The following POGZ variants were observed in gnomAD, a reference collection of about 807,000 sequenced individuals.
POGZ encodes the protein pogo transposable element with ZNF domain.
In POGZ, 17 loss-of-function variants were observed where a neutral mutation model predicts 134.6. That is an observed-to-expected ratio of 0.13 (90% CI 0.09 to 0.19). The LOEUF is 0.19. POGZ is among the 10% of genes least tolerant of loss of function. The pLI, the probability that POGZ is intolerant of heterozygous loss-of-function variation, is 1.00. For synonymous variants in POGZ, 693 were observed against 657.1 expected (o/e 1.05, Z -0.84); for missense variants, 1,306 against 1,769.7 (o/e 0.74, Z 4.70).
At chr1:151,437,231 A>G (rs1659744797) in intron 3 of POGZ, among the ~76,000 whole-genome samples, 1 of 151,024 alleles carries the variant, frequency 6.6e-6, no homozygotes, top group Non-Finnish European at 1.5e-5. Flanking sequence ...AATACATGCC[A>G]CAAACACCTT....
chr1:151,446,755 CAAAAAAAA>C (rs11309351), intron 1 of POGZ, among the ~76,000 whole-genome samples: 10 of 70,716 alleles, frequency 1.4e-4, no homozygotes, highest in South Asian at 5.6e-4. Flanking sequence ...GACTCCATCT[CAAAAAAAA>C]AAAAAAAAAA....
intron 1 of POGZ, chr1:151,455,007 T>C (rs1290239027): frequency 6.6e-6 from 1 of 151,346 alleles, no homozygotes; most frequent in Non-Finnish European, 1.5e-5. Flanking sequence ...CTGAGGAAGC[T>C]GAAGGAGGAG....
intron 11 of POGZ, 103 bp from the exon 12 acceptor site, chr1:151,411,874 G>T (rs1040915260): frequency 3.2e-6 from 3 of 944,822 alleles, no homozygotes; most frequent in Non-Finnish European, 3.0e-6. Context: ...AAAAAAAAAA[G>T]TTTTCTCAAA....
At chr1:151,432,282 T>A (rs1229651797) in intron 3 of POGZ, among the ~76,000 whole-genome samples, 1 of 152,146 alleles carries the variant, frequency 6.6e-6, no homozygotes, top group African/African-American at 2.4e-5. Context: ...CTCTGAAATG[T>A]ATGTTCCACT....
chr1:151,459,470 A>G lies in POGZ; in HGVS notation c.-320T>C, dbSNP rs1663254384. On this transcript the variant is annotated 5_prime_UTR_variant, in exon 1 of 19. Coordinates refer to ENST00000271715, the MANE Select transcript of POGZ (RefSeq NM_015100.4). ...AGAGAGACGCCGACTCCCCCCACCG[A>G]CCCTCTCGCCCCGCGGAGGGATACG... 1 of 151,412 alleles carries G rather than the reference A, an allele frequency of 6.6e-6. No individual in the cohort carries two copies. Among genetic ancestry groups the G allele is most frequent in the African/African-American group, 2.4e-5 (1 of 41,094 alleles). The allele number at this position is 151,412 out of a possible 1,614,324, so 9.4% of individuals were successfully genotyped here.
rs915584616 is a variant in POGZ, at chr1:151,411,736, T to C, written c.1815A>G (p.Val605=). The change falls in exon 12 of 19, where the codon GTA becomes GTG. Residue 605 remains valine, a synonymous_variant. Transcript: ENST00000271715. Reference sequence around the variant, plus strand: ...CATGGATCATCCGAAAATGGACATCTACCTCAGAGTAGAGTGAGGAGCGAT... The same window carrying C: ...CATGGATCATCCGAAAATGGACATCCACCTCAGAGTAGAGTGAGGAGCGAT... The part of the protein sequence containing the change: ...CQYRSSLYSE[V]DVHFRMIHED... 7 of 1,612,934 alleles carry C rather than the reference T, an allele frequency of 4.3e-6. No individual in the cohort carries two copies. Among genetic ancestry groups the C allele is most frequent in the Non-Finnish European group, 5.9e-6 (7 of 1,179,190 alleles).
chr1:151,408,567 A>C lies in POGZ; in HGVS notation c.2076T>G (p.Ala692=). 1 of 1,610,588 alleles carries C rather than the reference A, an allele frequency of 6.2e-7. No individual in the cohort carries two copies. Among genetic ancestry groups the C allele is most frequent in the Non-Finnish European group, 8.5e-7 (1 of 1,179,136 alleles). Residue 692 remains alanine, a synonymous_variant, in exon 14 of 19, where the codon GCT becomes GCG. Coordinates refer to ENST00000271715, the MANE Select transcript of POGZ (RefSeq NM_015100.4). ...LKPGTKVTIR[A]SRGQPRTVPV... ...GAACAGTTCGTGGCTGCCCTCGGGA[A>C]GCCCGGATTGTCACCTGAGAACCAA...
intron 10 of POGZ, among the ~76,000 whole-genome samples, chr1:151,423,093 G>A (rs938783791): frequency 2.6e-5 from 4 of 152,152 alleles, no homozygotes; most frequent in Admixed American, 6.6e-5. Flanking sequence ...ATAGATGACT[G>A]TTCCTTCTAT....
Position 151,406,050 on chromosome 1 carries a change from G to C in POGZ, c.2985C>G (p.His995Gln), listed in dbSNP as rs776942265. Residue 995 changes from histidine (H) to glutamine (Q), a missense_variant, in exon 19 of 19, where the codon CAC (histidine) becomes CAG (glutamine). Around this residue, in one of 10 missense-constraint regions of POGZ, gnomAD observed 214 missense variants for 255.5 expected, o/e 0.84. Transcript: ENST00000271715. Reference sequence around the variant, plus strand: ...GAATACGTCGCTGGGGATTTCGGAAGTGTTCAGCTGCCTGTTCTGTATTGC... The same window carrying C: ...GAATACGTCGCTGGGGATTTCGGAACTGTTCAGCTGCCTGTTCTGTATTGC... The part of the protein sequence containing the change: ...LCCNTEQAAE[H>Q]FRNPQRRIRR... The C allele has an allele frequency of 6.2e-7, 1 of 1,614,206 alleles. No individual in the cohort carries two copies. Among genetic ancestry groups the C allele is most frequent in the African/African-American group, 1.3e-5 (1 of 75,042 alleles).
chr1:151,424,198 G>T lies in POGZ; in HGVS notation c.1274C>A (p.Ser425Tyr). ...PSVPSAAKPP[S>Y]PEKTAPVAST... ...AGCAACAGGAGCTGTTTTCTCAGGG[G>T]ATGGGGGCTTTGCTGCTGATGGGAC... is the stretch of plus-strand genomic sequence containing the variant. The change falls in exon 9 of 19, where the codon TCC becomes TAC. Residue 425 changes from serine (S) to tyrosine (Y), a missense_variant. Transcript: ENST00000271715. 1 of 1,614,024 alleles carries T rather than the reference G, an allele frequency of 6.2e-7. No homozygotes were observed. The highest frequency in any genetic ancestry group is 8.5e-7 in the Non-Finnish European group (1 of 1,179,886).
intron 18 of POGZ, 57 bp downstream of exon 18, chr1:151,406,550 T>C (rs1307543982): frequency 1.7e-5 from 27 of 1,548,854 alleles, no homozygotes; most frequent in African/African-American, 8.4e-5. Flanking sequence ...ATAATAATAA[T>C]AACAGAGTAA....
intron 10 of POGZ, among the ~76,000 whole-genome samples, 153 bp from the exon 11 acceptor site, chr1:151,412,549 TTAACATA>T (rs1356904219): frequency 6.6e-6 from 1 of 152,236 alleles, no homozygotes; most frequent in African/African-American, 2.4e-5. Context: ...TGGCTCCACC[TTAACATA>T]TATGTTGCTG....
chr1:151,411,588 A>C (rs753260648), intron 12 of POGZ, 37 bp downstream of exon 12: 41 of 1,506,030 alleles, frequency 2.7e-5, no homozygotes, highest in Non-Finnish European at 3.6e-5. Flanking sequence ...AAAAAAAAAA[A>C]AACAAGAGAA....
rs1183103743 is a variant in POGZ, at chr1:151,405,723, G to A, written c.3312C>T (p.Phe1104=). The A allele has an allele frequency of 1.2e-6, 2 of 1,614,200 alleles. No individual in the cohort carries two copies. The highest frequency in any genetic ancestry group is 2.2e-5 in the South Asian group (2 of 91,080). ...GAATCTGCCGTTGTACAAAATCAAT[G>A]AAGAGTCCTGCATTCTCTGCTACAT... ...PKDVAENAGL[F]IDFVQRQIHN... The change falls in exon 19 of 19, where the codon TTC becomes TTT. Residue 1104 remains phenylalanine (F), a synonymous_variant. Coordinates refer to ENST00000271715, the MANE Select transcript of POGZ (RefSeq NM_015100.4). This position sits in a 1 kb window ranked among gnomAD's most constrained non-coding sequence, Gnocchi z 4.9.
At chr1:151,458,114 T>A (rs866460485) in intron 1 of POGZ, among the ~76,000 whole-genome samples, 2 of 152,024 alleles carry the variant, frequency 1.3e-5, no homozygotes, top group African/African-American at 4.8e-5. Context: ...TAAGGACTCA[T>A]CAGCACTACC....
At chr1:151,419,103 C>G (rs1656363236) in intron 10 of POGZ, among the ~76,000 whole-genome samples, 1 of 151,170 alleles carries the variant, frequency 6.6e-6, no homozygotes, top group Non-Finnish European at 1.5e-5. Context: ...CCTATAATCC[C>G]AGCACTTTGG....
At chr1:151,419,039 A>G (rs1251201890) in intron 10 of POGZ, among the ~76,000 whole-genome samples, 85 of 149,328 alleles carry the variant, frequency 5.7e-4, no homozygotes, top group Non-Finnish European at 3.0e-4. Flanking sequence ...AAAAAAAAAA[A>G]AAAAAAAGAA....
Position 151,441,051 on chromosome 1 carries a change from G to A in POGZ, c.160C>T (p.Pro54Ser), listed in dbSNP as rs1181400367. 6.2e-7 allele frequency: 1 copy of A among 1,613,858 alleles called. No individual in the cohort carries two copies. The highest frequency in any genetic ancestry group is 1.3e-5 in the African/African-American group (1 of 74,916). The stretch of plus-strand genomic sequence containing the variant: ...GCAACAGAAGCATGGGCAGCGATGG[G>A]CACTGGAGCCGAGACTGGCTGCTGG... ...VSQQPVSAPV[P>S]IAAHASVAGH... The change falls in exon 3 of 19, where the codon CCC (proline) becomes TCC (serine). Residue 54 changes from proline (P) to serine (S), a missense_variant. Around this residue, in one of 10 missense-constraint regions of POGZ, gnomAD observed 541 missense variants for 680.5 expected, o/e 0.80. Transcript: ENST00000271715.
chr1:151,411,576 T>TAAAA, intron 12 of POGZ, 49 bp downstream of exon 12: 22 of 1,118,490 alleles, frequency 2.0e-5, no homozygotes, highest in East Asian at 5.5e-5. Flanking sequence ...CATCCATGTT[T>TAAAA]AAAAAAAAAA....
Sources: gnomAD v4.1 joint callset for allele counts (sites outside exome capture counted in the v4.1 genomes callset) on GRCh38, gnomAD v4.1.1 for gene constraint, gnomAD v4.1.1 regional missense constraint, Gnocchi (gnomAD v3.1) non-coding constraint, MANE v1.5 for transcripts, NCBI Gene and HGNC (gene_info 2026-07-23, HGNC 2026-07-21) for gene names.